Variants in ATRNL1 observed in about 807,000 individuals in gnomAD.
ATRNL1 encodes attractin like 1, also known as attractin-like protein 1.
Under a neutral mutation model 182.7 loss-of-function variants are expected in ATRNL1, and 95 were observed. The ratio of observed to expected loss-of-function variants is 0.52; its 90% CI spans 0.44 to 0.62. The LOEUF (loss-of-function observed/expected upper bound fraction) is 0.62, where lower values mean the gene tolerates loss of function less well. Ranked by LOEUF, ATRNL1 falls within the 20% of genes least tolerant of loss-of-function variation. The pLI is 0.00. For synonymous variants in ATRNL1, 576 were observed against 568.3 expected, an observed-to-expected ratio of 1.01 and a Z score of -0.19; for missense variants, 1,471 against 1,679.5, an observed-to-expected ratio of 0.88 and a Z score of 2.17.
At chr10:115,203,761 T>TC (rs1310903779) in intron 8 of ATRNL1, among the ~76,000 whole-genome samples, 3 of 143,724 alleles carry the variant, frequency 2.1e-5, no homozygotes, top group African/African-American at 5.2e-5. Flanking sequence ...TTTTTTTTTT[T>TC]TTTTTTTGTA....
intron 27 of ATRNL1, among the ~76,000 whole-genome samples, chr10:115,844,215 G>T (rs568989695): frequency 6.6e-6 from 1 of 152,038 alleles, no homozygotes. Flanking sequence ...GTAGTGACTC[G>T]TCCAAGGACA....
intron 8 of ATRNL1, among the ~76,000 whole-genome samples, chr10:115,210,026 C>T (rs1422758513): frequency 1.3e-5 from 2 of 151,930 alleles, no homozygotes; most frequent in South Asian, 2.1e-4. Context: ...TGTCTTCGCT[C>T]TTACAATTCC....
intron 26 of ATRNL1, among the ~76,000 whole-genome samples, chr10:115,726,750 G>A (rs1947609157): frequency 6.6e-6 from 1 of 152,102 alleles, no homozygotes; most frequent in African/African-American, 2.4e-5. Context: ...GTTCACAGGG[G>A]ATTCTGATGA....
chr10:115,483,167 A>G (rs10885724), intron 24 of ATRNL1, among the ~76,000 whole-genome samples: 58,825 of 150,890 alleles, frequency 0.39, 12,423 homozygotes, highest in Middle Eastern at 0.49. Context: ...TCCTATGGAA[A>G]GACATCTGCT....
intron 24 of ATRNL1, among the ~76,000 whole-genome samples, chr10:115,493,799 G>A (rs1235897004): frequency 6.6e-6 from 1 of 152,114 alleles, no homozygotes; most frequent in African/African-American, 2.4e-5. Flanking sequence ...CTTTTTAATA[G>A]TAGATATTCT....
intron 20 of ATRNL1, among the ~76,000 whole-genome samples, chr10:115,409,851 G>T (rs2134334441): frequency 6.6e-6 from 1 of 152,220 alleles, no homozygotes; most frequent in Middle Eastern, 3.4e-3. Context: ...TTAGTGTTTG[G>T]TGTGGTTTGT....
chr10:115,497,167 G>A (rs1849589456), intron 24 of ATRNL1, among the ~76,000 whole-genome samples: 2 of 152,100 alleles, frequency 1.3e-5, no homozygotes, highest in South Asian at 4.1e-4. Flanking sequence ...GAATACTTGT[G>A]CTTGCATTAT....
At chr10:115,472,563 T>G (rs1490637536) in intron 24 of ATRNL1, among the ~76,000 whole-genome samples, 3 of 151,116 alleles carry the variant, frequency 2.0e-5, no homozygotes, top group African/African-American at 7.3e-5. Flanking sequence ...TTTCATTTCC[T>G]TGGTTAAACT....
At chr10:115,532,838 G>A (rs1298596277) in intron 25 of ATRNL1, among the ~76,000 whole-genome samples, 2 of 151,930 alleles carry the variant, frequency 1.3e-5, no homozygotes, top group African/African-American at 4.8e-5. Flanking sequence ...AGCATGAAGG[G>A]TTGTTGAATC....
Position 115,093,663 on chromosome 10 carries a change from A to C in ATRNL1, c.-88A>C. The C allele has an allele frequency of 7.4e-7, 1 of 1,352,328 alleles. No homozygotes were observed. Among genetic ancestry groups the C allele is most frequent in the Non-Finnish European group, 1.0e-6 (1 of 997,172 alleles). 83.8% of individuals were successfully genotyped at this position (1,352,328 alleles called of 1,614,324 possible). A position where few individuals can be genotyped will look rare whatever the true frequency, so the allele number is the denominator to read the frequency against. ...TGAGGAGGAGGAGAAGCGGCGGCGGAGAGGTTTTCTGCGGCCGGAATTCCC... is the reference window on the plus strand; with the variant it reads ...TGAGGAGGAGGAGAAGCGGCGGCGGCGAGGTTTTCTGCGGCCGGAATTCCC... On this transcript the variant is annotated 5_prime_UTR_variant, in exon 1 of 29. Transcript: ENST00000355044. The surrounding 1 kb of genome is among the most constrained non-coding windows in gnomAD (Gnocchi z 6.1).
intron 9 of ATRNL1, among the ~76,000 whole-genome samples, chr10:115,230,870 T>TGAGA (rs1169884107): frequency 0.014 from 1,153 of 83,392 alleles, 4 homozygotes; most frequent in Non-Finnish European, 0.016. Context: ...ATAGAGTGGA[T>TGAGA]GAGAGAGAGA....
intron 26 of ATRNL1, among the ~76,000 whole-genome samples, chr10:115,703,227 A>G (rs1555052100): frequency 6.6e-5 from 10 of 152,010 alleles, no homozygotes. Context: ...ATGAAACTGG[A>G]CCCCTACCTT....
chr10:115,201,730 A>G (rs1564816542), intron 8 of ATRNL1, among the ~76,000 whole-genome samples: 1 of 152,004 alleles, frequency 6.6e-6, no homozygotes, highest in Admixed American at 6.6e-5. Context: ...TTTTGGTTCC[A>G]TATGAACTTT....
chr10:115,746,692 GC>G (rs1174224502), intron 27 of ATRNL1, among the ~76,000 whole-genome samples: 1 of 151,936 alleles, frequency 6.6e-6, no homozygotes, highest in Admixed American at 6.6e-5. Context: ...GGGAAGCTCA[GC>G]TGAAGTGCAT....
intron 26 of ATRNL1, among the ~76,000 whole-genome samples, chr10:115,640,821 G>T (rs1859192499): frequency 6.6e-6 from 1 of 152,090 alleles, no homozygotes; most frequent in Admixed American, 6.5e-5. Context: ...ATTGCCTTTG[G>T]TGTTTTAATC....
chr10:115,550,476 A>G (rs1485820240), intron 26 of ATRNL1, among the ~76,000 whole-genome samples: 1 of 151,762 alleles, frequency 6.6e-6, no homozygotes, highest in East Asian at 1.9e-4. Flanking sequence ...TTCTTAGTCT[A>G]TTTTTAAGCA....
chr10:115,702,216 C>T (rs1565300897), intron 26 of ATRNL1, among the ~76,000 whole-genome samples: 1 of 151,932 alleles, frequency 6.6e-6, no homozygotes, highest in Non-Finnish European at 1.5e-5. Context: ...TAAAATCCAA[C>T]ATCCCTTCAT....
At chr10:115,398,244 C>T (rs782214241) in intron 20 of ATRNL1, among the ~76,000 whole-genome samples, 1 of 151,976 alleles carries the variant, frequency 6.6e-6, no homozygotes, top group South Asian at 2.1e-4. Context: ...ATCAGTAGTA[C>T]AGTCAAAATA....
chr10:115,272,203 C>T (rs1386248333), intron 13 of ATRNL1, among the ~76,000 whole-genome samples: 1 of 152,140 alleles, frequency 6.6e-6, no homozygotes, highest in Non-Finnish European at 1.5e-5. Context: ...TATGAATTAC[C>T]TGATTTCAAG....
Sources: allele counts gnomAD v4.1 joint callset (sites outside exome capture counted in the v4.1 genomes callset), GRCh38; gene constraint gnomAD v4.1.1; non-coding constraint Gnocchi (gnomAD v3.1); transcripts MANE v1.5; gene names NCBI Gene and HGNC (gene_info 2026-07-23, HGNC 2026-07-21).